HS3ST2: variants seen among roughly 807,000 people sequenced by gnomAD.
The protein encoded by HS3ST2 is heparan sulfate glucosamine 3-O-sulfotransferase 2.
HS3ST2 carries 17 observed loss-of-function variants against 26.3 expected under a neutral mutation model. The observed-to-expected ratio is 0.65, with a 90% CI of 0.44 to 0.97. The LOEUF (loss-of-function observed/expected upper bound fraction) is 0.97. Ranked by LOEUF, HS3ST2 falls within the 50% of genes least tolerant of loss-of-function variation. HS3ST2 has a pLI of 0.00. For missense variants in HS3ST2, 402 were observed against 501.2 expected (o/e 0.80, Z 1.89); for synonymous variants, 237 against 219.2 (o/e 1.08, Z -0.72).
intron 1 of HS3ST2, among the ~76,000 whole-genome samples, chr16:22,886,188 A>C (rs919948041): frequency 6.6e-6 from 1 of 152,238 alleles, no homozygotes; most frequent in Non-Finnish European, 1.5e-5. Flanking sequence ...CTCATTTATG[A>C]ATATGAGATG....
chr16:22,851,713 T>C (rs770426414), intron 1 of HS3ST2, among the ~76,000 whole-genome samples: 23 of 152,338 alleles, frequency 1.5e-4, no homozygotes, highest in Admixed American at 5.9e-4. Flanking sequence ...TAGACTAATA[T>C]AATTTCAAGC....
chr16:22,911,167 A>T (rs1483569803), intron 1 of HS3ST2, among the ~76,000 whole-genome samples: 1 of 152,314 alleles, frequency 6.6e-6, no homozygotes, highest in African/African-American at 2.4e-5. Context: ...AGTGACAGCA[A>T]TTTTCTCCAG....
chr16:22,908,953 G>A (rs758107568), intron 1 of HS3ST2, among the ~76,000 whole-genome samples: 1 of 152,196 alleles, frequency 6.6e-6, no homozygotes, highest in Non-Finnish European at 1.5e-5. Context: ...AAACTTACTG[G>A]AAGGATGTGT....
intron 1 of HS3ST2, among the ~76,000 whole-genome samples, chr16:22,898,026 G>A (rs1253192647): frequency 6.6e-6 from 1 of 152,160 alleles, no homozygotes; most frequent in Non-Finnish European, 1.5e-5. Context: ...AAAGATCTCG[G>A]GCTACTGCAT....
intron 1 of HS3ST2, among the ~76,000 whole-genome samples, chr16:22,862,605 C>T (rs1008495159): frequency 6.6e-6 from 1 of 152,146 alleles, no homozygotes; most frequent in Admixed American, 6.5e-5. Flanking sequence ...GATCAGAGTT[C>T]ATTTTCAGGA....
intron 1 of HS3ST2, among the ~76,000 whole-genome samples, chr16:22,886,100 T>C (rs532172354): frequency 2.6e-5 from 4 of 152,178 alleles, no homozygotes; most frequent in Non-Finnish European, 5.9e-5. Context: ...TCATTTTCTT[T>C]TCCCTCAAAA....
Position 22,915,188 on chromosome 16 carries a change from TCATGGAACGCCATCCG to T in HS3ST2, c.734_749del (p.Trp245SerfsTer17). 1 of 1,614,070 alleles carries T rather than the reference TCATGGAACGCCATCCG, an allele frequency of 6.2e-7. No individual in the cohort carries two copies. Among genetic ancestry groups the T allele is most frequent in the South Asian group, 1.1e-5 (1 of 91,068 alleles). Reference sequence around the variant, plus strand: ...CCGCACCCTGGGCCTGGTGGACGTGTCATGGAACGCCATCCGCATCGGCATGTACGTGCTGCACCTG... The same window carrying T: ...CCGCACCCTGGGCCTGGTGGACGTGTCATCGGCATGTACGTGCTGCACCTG... On this transcript the variant is annotated frameshift_variant, in exon 2 of 2. Transcript: ENST00000261374. LOFTEE classifies it high-confidence loss of function.
intron 1 of HS3ST2, among the ~76,000 whole-genome samples, chr16:22,861,059 T>G (rs1567490377): frequency 6.6e-6 from 1 of 151,996 alleles, no homozygotes; most frequent in Non-Finnish European, 1.5e-5. Context: ...AATTTTTTTG[T>G]AGATATAGGG....
At chr16:22,867,921 T>C (rs891074185) in intron 1 of HS3ST2, among the ~76,000 whole-genome samples, 7 of 152,242 alleles carry the variant, frequency 4.6e-5, no homozygotes, top group Non-Finnish European at 7.3e-5. Context: ...GAGATTGGTA[T>C]GGAATACTAT....
rs888349486 is a variant in HS3ST2, at chr16:22,817,121, AT to A, written c.485+2035del. Among the ~76,000 whole-genome samples the A allele has an allele frequency of 3.3e-3, 496 of 151,186 alleles. 5 individuals are homozygous for A. The highest frequency in any genetic ancestry group is 2.9e-3 in the Non-Finnish European group (198 of 67,708). ...GCCATGTCTTATTTTTTATTTATTT[AT>A]TTTTTTTTAGCACATTTGGATTCTG... is the stretch of plus-strand genomic sequence containing the variant. On this transcript the variant is annotated intron_variant, in intron 1 of 1. Transcript: ENST00000261374.
At chr16:22,898,923 T>C (rs1158227464) in intron 1 of HS3ST2, among the ~76,000 whole-genome samples, 3 of 152,194 alleles carry the variant, frequency 2.0e-5, no homozygotes, top group African/African-American at 7.2e-5. Flanking sequence ...AAAGCATTCC[T>C]ATCATTGGTT....
intron 1 of HS3ST2, among the ~76,000 whole-genome samples, chr16:22,897,619 G>A (rs1243179710): frequency 1.3e-5 from 2 of 152,146 alleles, no homozygotes; most frequent in Non-Finnish European, 2.9e-5. Flanking sequence ...TGATGACCTG[G>A]TTCCAATTTT....
At chr16:22,861,973 T>A (rs919783368) in intron 1 of HS3ST2, among the ~76,000 whole-genome samples, 5 of 152,212 alleles carry the variant, frequency 3.3e-5, no homozygotes, top group Non-Finnish European at 7.3e-5. Flanking sequence ...AGCTGCCCCA[T>A]CCTGTTTATG....
intron 1 of HS3ST2, among the ~76,000 whole-genome samples, chr16:22,822,921 G>T (rs1006858919): frequency 1.3e-5 from 2 of 151,902 alleles, no homozygotes; most frequent in African/African-American, 4.8e-5. Context: ...AGTGACAAAG[G>T]GTATTCAGAG....
At chr16:22,846,899 G>C (rs570962682) in intron 1 of HS3ST2, among the ~76,000 whole-genome samples, 1 of 152,338 alleles carries the variant, frequency 6.6e-6, no homozygotes, top group Non-Finnish European at 1.5e-5. Flanking sequence ...GGATACAAAA[G>C]TGGGGATACA....
At chr16:22,894,482 T>C (rs1902178242) in intron 1 of HS3ST2, among the ~76,000 whole-genome samples, 1 of 152,182 alleles carries the variant, frequency 6.6e-6, no homozygotes, top group Non-Finnish European at 1.5e-5. Flanking sequence ...GTGCCTCCAG[T>C]TCCTGAGCTT....
At chr16:22,872,267 A>G (rs1901849554) in intron 1 of HS3ST2, among the ~76,000 whole-genome samples, 1 of 152,228 alleles carries the variant, frequency 6.6e-6, no homozygotes, top group Admixed American at 6.5e-5. Flanking sequence ...CCTAAGGATG[A>G]TTATTCCAGA....
intron 1 of HS3ST2, among the ~76,000 whole-genome samples, chr16:22,852,744 C>A (rs1901535366): frequency 6.6e-6 from 1 of 152,158 alleles, no homozygotes; most frequent in African/African-American, 2.4e-5. Flanking sequence ...CTCATCATTC[C>A]AGGCTTGACT....
chr16:22,861,051 T>C (rs950326616), intron 1 of HS3ST2, among the ~76,000 whole-genome samples: 14 of 151,886 alleles, frequency 9.2e-5, no homozygotes, highest in African/African-American at 2.9e-4. Flanking sequence ...TTTTTAAAAA[T>C]TTTTTTGTAG....
Sources: allele counts gnomAD v4.1 joint callset (sites outside exome capture counted in the v4.1 genomes callset), GRCh38; gene constraint gnomAD v4.1.1; transcripts MANE v1.5; gene names NCBI Gene and HGNC (gene_info 2026-07-23, HGNC 2026-07-21).